SGCZ: variants seen among roughly 807,000 people sequenced by gnomAD.
SGCZ encodes sarcoglycan zeta.
In SGCZ, 40 loss-of-function variants were observed where a neutral mutation model predicts 41.3. The ratio of observed to expected loss-of-function variants is 0.97; its 90% CI spans 0.75 to 1.26. The LOEUF is 1.26. Among genes scored for constraint, SGCZ ranks in the 50% most tolerant of loss-of-function variants. The pLI, the probability that SGCZ is intolerant of heterozygous loss-of-function variation, is 0.00. For synonymous variants in SGCZ, 206 were observed against 137.5 expected (o/e 1.50, Z -3.49); for missense variants, 552 against 369.8 (o/e 1.49, Z -4.04).
intron 1 of SGCZ, among the ~76,000 whole-genome samples, chr8:15,102,609 G>A (rs1806657092): frequency 6.6e-6 from 1 of 152,118 alleles, no homozygotes; most frequent in Admixed American, 6.6e-5. Flanking sequence ...GAGAAACTGG[G>A]AACATGGAGG....
intron 1 of SGCZ, among the ~76,000 whole-genome samples, chr8:14,718,914 A>T (rs148892656): frequency 6.8e-6 from 1 of 148,036 alleles, no homozygotes; most frequent in Admixed American, 6.8e-5. Context: ...CAGGTTAGTT[A>T]CACATGTATA....
intron 4 of SGCZ, among the ~76,000 whole-genome samples, chr8:14,173,612 C>T (rs73524173): frequency 0.025 from 3,772 of 152,026 alleles, 157 homozygotes; most frequent in African/African-American, 0.087. Context: ...ATAAATACAA[C>T]GTCCATGAGC....
chr8:15,014,962 G>A (rs761635765), intron 1 of SGCZ, among the ~76,000 whole-genome samples: 1 of 152,180 alleles, frequency 6.6e-6, no homozygotes, highest in Non-Finnish European at 1.5e-5. Context: ...CTGAAAAAAG[G>A]CGACCAGCAT....
intron 1 of SGCZ, among the ~76,000 whole-genome samples, chr8:15,137,324 C>T (rs888687221): frequency 3.9e-5 from 6 of 152,102 alleles, no homozygotes; most frequent in Non-Finnish European, 8.8e-5. Flanking sequence ...AAATTTGCAG[C>T]CTGACAATGC....
chr8:14,564,987 G>T (rs905584158), intron 1 of SGCZ, among the ~76,000 whole-genome samples: 2 of 151,476 alleles, frequency 1.3e-5, no homozygotes, highest in Admixed American at 1.3e-4. Context: ...TATGGAAAAT[G>T]CTGTAGTCAG....
chr8:14,286,086 T>C (rs1800616211), intron 3 of SGCZ, among the ~76,000 whole-genome samples: 1 of 152,030 alleles, frequency 6.6e-6, no homozygotes, highest in Admixed American at 6.6e-5. Context: ...ATTTTGTTTT[T>C]TTTCTCTACA....
At chr8:14,687,491 A>T (rs1434774151) in intron 1 of SGCZ, among the ~76,000 whole-genome samples, 2 of 151,636 alleles carry the variant, frequency 1.3e-5, no homozygotes, top group African/African-American at 4.9e-5. Context: ...GATGATTTCC[A>T]ATTTCATCCA....
intron 2 of SGCZ, among the ~76,000 whole-genome samples, chr8:14,449,679 C>A (rs935370534): frequency 6.6e-6 from 1 of 152,116 alleles, no homozygotes; most frequent in African/African-American, 2.4e-5. Context: ...GGCCTTTCAC[C>A]CTCAAAGATA....
At chr8:14,989,275 C>A (rs1474171676) in intron 1 of SGCZ, among the ~76,000 whole-genome samples, 2 of 152,110 alleles carry the variant, frequency 1.3e-5, no homozygotes, top group Non-Finnish European at 2.9e-5. Context: ...AGGATGATTG[C>A]AAGGGTCCCC....
chr8:14,756,553 A>G (rs1456807300), intron 1 of SGCZ, among the ~76,000 whole-genome samples: 1 of 152,100 alleles, frequency 6.6e-6, no homozygotes, highest in Non-Finnish European at 1.5e-5. Context: ...AATATGTTTC[A>G]AACTCTAACA....
chr8:14,532,121 A>G (rs1803150320), intron 2 of SGCZ, among the ~76,000 whole-genome samples: 1 of 152,098 alleles, frequency 6.6e-6, no homozygotes, highest in Non-Finnish European at 1.5e-5. Flanking sequence ...TACTGTGGAA[A>G]TACCAGAATG....
intron 1 of SGCZ, among the ~76,000 whole-genome samples, chr8:14,923,908 T>C (rs1799666720): frequency 6.6e-6 from 1 of 152,194 alleles, no homozygotes; most frequent in African/African-American, 2.4e-5. Context: ...TGCAAGGGAT[T>C]TGAGATTCAA....
chr8:14,225,545 T>G (rs188871366), intron 4 of SGCZ, among the ~76,000 whole-genome samples: 1 of 152,052 alleles, frequency 6.6e-6, no homozygotes, highest in Admixed American at 6.6e-5. Context: ...CCAAAAATAA[T>G]AATACTAATT....
At chr8:14,285,883 A>G (rs1800605299) in intron 3 of SGCZ, among the ~76,000 whole-genome samples, 1 of 152,126 alleles carries the variant, frequency 6.6e-6, no homozygotes, top group Non-Finnish European at 1.5e-5. Flanking sequence ...ACCATTGCTG[A>G]CAATTTTATG....
intron 3 of SGCZ, among the ~76,000 whole-genome samples, chr8:14,239,118 C>G (rs988951357): frequency 2.0e-5 from 3 of 151,880 alleles, no homozygotes; most frequent in African/African-American, 7.3e-5. Context: ...TCATCCTAAT[C>G]AAGTGATATA....
intron 4 of SGCZ, among the ~76,000 whole-genome samples, chr8:14,235,644 A>G (rs970149446): frequency 6.6e-6 from 1 of 152,094 alleles, no homozygotes; most frequent in African/African-American, 2.4e-5. Flanking sequence ...TTAAGTAGCT[A>G]TTGTGTCTGA....
intron 1 of SGCZ, among the ~76,000 whole-genome samples, chr8:14,879,485 C>T (rs1367136376): frequency 1.3e-5 from 2 of 151,962 alleles, no homozygotes; most frequent in Admixed American, 6.6e-5. Context: ...AATTGACACT[C>T]TTGGGAAGTA....
rs1225677325 is a variant in SGCZ at position 14,191,681 on chromosome 8, T to C, written c.425-26979A>G. 4.6e-5 allele frequency among the ~76,000 whole-genome samples: 7 copies of C among 152,176 alleles called. No individual in the cohort carries two copies. The East Asian group carries it at 1.2e-3, about 25-fold the overall frequency. ...TATGTGCATCTAGAACTTGAGATTGTATCACTAAAAGAGAATGGTAAAAAT... is the reference window on the plus strand; with the variant it reads ...TATGTGCATCTAGAACTTGAGATTGCATCACTAAAAGAGAATGGTAAAAAT... On this transcript the variant is annotated intron_variant, in intron 4 of 7. Transcript: ENST00000382080.
chr8:14,872,482 A>G (rs1203740390), intron 1 of SGCZ, among the ~76,000 whole-genome samples: 4 of 152,136 alleles, frequency 2.6e-5, no homozygotes, highest in Non-Finnish European at 5.9e-5. Context: ...CTGTTTAATT[A>G]GAAATACACA....
Sources: allele counts gnomAD v4.1 joint callset (sites outside exome capture counted in the v4.1 genomes callset), GRCh38; gene constraint gnomAD v4.1.1; transcripts MANE v1.5; gene names NCBI Gene and HGNC (gene_info 2026-07-23, HGNC 2026-07-21).